The following PIP5K1B variants were observed in gnomAD, a reference collection of about 807,000 sequenced individuals.
The protein encoded by PIP5K1B is phosphatidylinositol 4-phosphate 5-kinase type-1 beta.
Under a neutral mutation model 67.0 loss-of-function variants are expected in PIP5K1B, and 42 were observed. The observed-to-expected ratio is 0.63, with a 90% CI of 0.49 to 0.81. The LOEUF is 0.81. Among genes scored for constraint, PIP5K1B ranks in the 30% least tolerant of loss-of-function variants. PIP5K1B has a pLI of 0.00. For synonymous variants in PIP5K1B, 214 were observed against 231.4 expected, an observed-to-expected ratio of 0.92 and a Z score of 0.68; for missense variants, 459 against 646.3, an observed-to-expected ratio of 0.71 and a Z score of 3.14.
rs369488039 is a variant in PIP5K1B at position 68,890,405 on chromosome 9, G to T, written c.471+1272G>T. ...ATGATTGGAAGGGCTACATGAAGCT[G>T]TCTGGATTTCAGAAGCCCAAGTTCT... On this transcript the variant is annotated intron_variant, in intron 7 of 15. Transcript: ENST00000265382. Among the ~76,000 whole-genome samples the T allele has an allele frequency of 1.1e-4, 17 of 152,294 alleles. No homozygotes were observed. The East Asian group carries it at 1.9e-3, about 17-fold the overall frequency.
intron 4 of PIP5K1B, among the ~76,000 whole-genome samples, chr9:68,842,914 A>T (rs536261440): frequency 6.6e-6 from 1 of 152,220 alleles, no homozygotes; most frequent in South Asian, 2.1e-4. Context: ...TGTGGAATAA[A>T]CATACCTGGT....
At chr9:68,916,991 G>A (rs572165703) in intron 8 of PIP5K1B, among the ~76,000 whole-genome samples, 1 of 152,268 alleles carries the variant, frequency 6.6e-6, no homozygotes, top group African/African-American at 2.4e-5. Context: ...TTCTAGCTGT[G>A]TCTTCATGCT....
At chr9:68,756,000 C>T (rs922602301) in intron 2 of PIP5K1B, among the ~76,000 whole-genome samples, 1 of 152,200 alleles carries the variant, frequency 6.6e-6, no homozygotes, top group Non-Finnish European at 1.5e-5. Context: ...ACTTTGCCAT[C>T]TTTGATCAGT....
intron 2 of PIP5K1B, among the ~76,000 whole-genome samples, chr9:68,813,051 A>G (rs1373165095): frequency 6.6e-6 from 1 of 152,222 alleles, no homozygotes; most frequent in Non-Finnish European, 1.5e-5. Context: ...GCAATACAGT[A>G]TTTACAGAGA....
intron 6 of PIP5K1B, 39 bp downstream of exon 6, chr9:68,876,833 G>A (rs373140556): frequency 4.8e-5 from 48 of 1,010,108 alleles, no homozygotes; most frequent in African/African-American, 2.2e-4. Flanking sequence ...ATAGAAATGT[G>A]TGATGTAAAC....
rs567500481 is a variant in PIP5K1B at position 68,782,551 on chromosome 9, C to T, written c.-85-35910C>T. 6 of 167,126 alleles carry T rather than the reference C, an allele frequency of 3.6e-5. No individual in the cohort carries two copies. The East Asian group carries it at 9.6e-4, about 27-fold the overall frequency. The allele number at this position is 167,126 out of a possible 1,614,324, so 10.4% of individuals were successfully genotyped here. A position where few individuals can be genotyped will look rare whatever the true frequency, so the allele number is the denominator to read the frequency against. On this transcript the variant is annotated intron_variant, in intron 2 of 15. Transcript: ENST00000265382. ...AAAAGCTCTGACTGTTTAAAGTTAT[C>T]GCTTACAGAGACTTTAACAATTTTG...
At chr9:68,715,965 CT>C (rs1265170089) in intron 1 of PIP5K1B, among the ~76,000 whole-genome samples, 2 of 152,136 alleles carry the variant, frequency 1.3e-5, no homozygotes, top group African/African-American at 2.4e-5. Flanking sequence ...ATACTAGTGT[CT>C]TTGTTTGCCT....
intron 9 of PIP5K1B, 67 bp downstream of exon 9, chr9:68,917,826 A>T: frequency 8.7e-7 from 1 of 1,155,024 alleles, no homozygotes; most frequent in Non-Finnish European, 1.3e-6. Flanking sequence ...GTAATTATAG[A>T]CAGTCACATT....
At chr9:68,933,086 CA>C (rs1220958399) in intron 12 of PIP5K1B, among the ~76,000 whole-genome samples, 2 of 141,218 alleles carry the variant, frequency 1.4e-5, no homozygotes, top group Admixed American at 7.2e-5. Context: ...GCAACAAGAG[CA>C]AAACTCCGTC....
At chr9:68,842,003 C>T (rs560760332) in intron 4 of PIP5K1B, among the ~76,000 whole-genome samples, 1 of 152,256 alleles carries the variant, frequency 6.6e-6, no homozygotes, top group Admixed American at 6.5e-5. Flanking sequence ...GGTCCTGGGC[C>T]CTGGCCCTCA....
rs1834144297 is a variant in PIP5K1B, at chr9:68,829,056, C to G, written c.69+6373C>G. Among the ~76,000 whole-genome samples, 5 of 152,206 alleles carry G rather than the reference C, an allele frequency of 3.3e-5. No individual in the cohort carries two copies. In the South Asian group the frequency reaches 1.0e-3, roughly 32 times the overall value. The stretch of plus-strand genomic sequence containing the variant: ...GGCAGAGGTTGCAGTGAGCCGAGAT[C>G]ACGCCACTGCACTCCAGCCTGGGCG... On this transcript the variant is annotated intron_variant, in intron 4 of 15. Transcript: ENST00000265382.
At chr9:68,952,829 T>G (rs146866441) in intron 14 of PIP5K1B, among the ~76,000 whole-genome samples, 62 of 148,588 alleles carry the variant, frequency 4.2e-4, no homozygotes, top group East Asian at 3.3e-3. Flanking sequence ...CTGCCTGCCT[T>G]CCTTCCTTCC....
intron 13 of PIP5K1B, among the ~76,000 whole-genome samples, chr9:68,938,622 C>T (rs1391452649): frequency 6.6e-6 from 1 of 152,074 alleles, no homozygotes; most frequent in East Asian, 1.9e-4. Context: ...GTGTGAATTT[C>T]ATCCCGTCAT....
At chr9:68,758,758 A>T (rs963346659) in intron 2 of PIP5K1B, among the ~76,000 whole-genome samples, 5 of 152,118 alleles carry the variant, frequency 3.3e-5, no homozygotes, top group African/African-American at 1.2e-4. Flanking sequence ...CTACAGATTC[A>T]AGAAGCTCAT....
At chr9:68,732,710 A>G (rs1422702237) in intron 1 of PIP5K1B, among the ~76,000 whole-genome samples, 1 of 152,234 alleles carries the variant, frequency 6.6e-6, no homozygotes, top group East Asian at 1.9e-4. Context: ...TTCCCTGGGC[A>G]TGGCTTTTTG....
At chr9:68,752,089 T>C (rs1829662023) in intron 2 of PIP5K1B, among the ~76,000 whole-genome samples, 1 of 152,248 alleles carries the variant, frequency 6.6e-6, no homozygotes, top group African/African-American at 2.4e-5. Flanking sequence ...GCTTGTTTTC[T>C]CGTTTATAAA....
intron 14 of PIP5K1B, among the ~76,000 whole-genome samples, chr9:68,946,026 TA>T (rs1827787801): frequency 6.6e-6 from 1 of 152,264 alleles, no homozygotes; most frequent in Non-Finnish European, 1.5e-5. Flanking sequence ...CTCAAGTTGT[TA>T]TTTCCAACTC....
intron 12 of PIP5K1B, among the ~76,000 whole-genome samples, chr9:68,926,870 G>A (rs901817723): frequency 3.3e-5 from 5 of 151,842 alleles, no homozygotes; most frequent in African/African-American, 7.3e-5. Flanking sequence ...CATGCCCAGC[G>A]ATTTTCTAAT....
intron 4 of PIP5K1B, among the ~76,000 whole-genome samples, chr9:68,834,665 T>C (rs1834503504): frequency 6.6e-6 from 1 of 151,582 alleles, no homozygotes; most frequent in Admixed American, 6.6e-5. Context: ...CAATTAGAGG[T>C]GAAATATGGG....
Sources: gnomAD v4.1 joint callset for allele counts (sites outside exome capture counted in the v4.1 genomes callset) on GRCh38, gnomAD v4.1.1 for gene constraint, MANE v1.5 for transcripts, NCBI Gene and HGNC (gene_info 2026-07-23, HGNC 2026-07-21) for gene names.